EPB42: variants seen among roughly 807,000 people sequenced by gnomAD.
The protein encoded by EPB42 is protein 4.2.
In EPB42, 49 loss-of-function variants were observed where a neutral mutation model predicts 76.9. That is an observed-to-expected ratio of 0.64 (90% CI 0.51 to 0.81). The LOEUF is 0.81. Among genes scored for constraint, EPB42 ranks in the 30% least tolerant of loss-of-function variants. The pLI, the probability that EPB42 is intolerant of heterozygous loss-of-function variation, is 0.00. For missense variants in EPB42, 731 were observed against 867.6 expected (o/e 0.84, Z 1.98); for synonymous variants, 310 against 338.4 (o/e 0.92, Z 0.92).
chr15:43,201,638 C>T (rs1225294104), intron 12 of EPB42, among the ~76,000 whole-genome samples: 1 of 152,298 alleles, frequency 6.6e-6, no homozygotes, highest in Non-Finnish European at 1.5e-5. Flanking sequence ...CCAAGGGGCC[C>T]GCACAGCCTG....
At chr15:43,220,435 T>C (rs1370315025) in intron 1 of EPB42, among the ~76,000 whole-genome samples, 3 of 152,132 alleles carry the variant, frequency 2.0e-5, no homozygotes, top group Non-Finnish European at 4.4e-5. Flanking sequence ...ACTTATGCTA[T>C]GATGACCTTG....
chr15:43,198,744 C>T (rs911298606), intron 12 of EPB42, among the ~76,000 whole-genome samples: 1 of 152,228 alleles, frequency 6.6e-6, no homozygotes, highest in Non-Finnish European at 1.5e-5. Context: ...CAGCCCCTCC[C>T]ATCACAGGCC....
At position 43,206,034 on chromosome 15, in the gene EPB42, T is replaced by TG. The variant is rs1567274092; in HGVS notation, c.1618+295dup. ...TATTTGGGGGCAGCTTATTCCAGCC[T>TG]GGGGGGAGGTGCTCTCCTGCCACTG... On this transcript the variant is annotated intron_variant, in intron 10 of 12. Transcript: ENST00000441366. This position sits in a 1 kb window ranked among gnomAD's most constrained non-coding sequence, Gnocchi z 4.7. 1 of 329,536 alleles carries TG rather than the reference T, an allele frequency of 3.0e-6. No individual in the cohort carries two copies. Among genetic ancestry groups the TG allele is most frequent in the Non-Finnish European group, 5.6e-6 (1 of 178,882 alleles). The allele number at this position is 329,536 out of a possible 1,614,324, so 20.4% of individuals were successfully genotyped here. A position where few individuals can be genotyped will look rare whatever the true frequency, so the allele number is the denominator to read the frequency against.
intron 1 of EPB42, among the ~76,000 whole-genome samples, chr15:43,217,489 G>A (rs1260174026): frequency 6.6e-6 from 1 of 152,158 alleles, no homozygotes; most frequent in Non-Finnish European, 1.5e-5. Context: ...ACAAGGAGTA[G>A]AGAAGTCAAA....
At chr15:43,223,909 G>T (rs2042484709), upstream of EPB42, among the ~76,000 whole-genome samples, 1 of 152,160 alleles carries the variant, frequency 6.6e-6, no homozygotes, top group African/African-American at 2.4e-5. Flanking sequence ...GTGGGTGGAG[G>T]TTGCAGTTAG....
chr15:43,218,252 A>G (rs2042407196), intron 1 of EPB42, among the ~76,000 whole-genome samples: 1 of 152,174 alleles, frequency 6.6e-6, no homozygotes, highest in Non-Finnish European at 1.5e-5. Flanking sequence ...TGCCTTAGTC[A>G]CATCCTAAGT....
chr15:43,200,339 G>T (rs1286662807), intron 12 of EPB42, among the ~76,000 whole-genome samples: 2 of 152,182 alleles, frequency 1.3e-5, no homozygotes, highest in African/African-American at 4.8e-5. Context: ...GGGACCTCAG[G>T]GAGGGTAGGA....
Position 43,206,390 on chromosome 15 carries a change from C to A in EPB42, c.1558G>T (p.Gly520Cys). The change falls in exon 10 of 13, where the codon GGT (glycine) becomes TGT (cysteine). Residue 520 changes from glycine to cysteine, a missense_variant. Coordinates refer to ENST00000441366, the MANE Select transcript of EPB42 (RefSeq NM_001114134.2). The surrounding 1 kb of genome is among the most constrained non-coding windows in gnomAD (Gnocchi z 4.7). Reference sequence around the variant, plus strand: ...CTCCAGAGCTTGGCAGCAAGGACACCGTTGTAGTGTACAGCCTGGACCCCA... The same window carrying A: ...CTCCAGAGCTTGGCAGCAAGGACACAGTTGTAGTGTACAGCCTGGACCCCA... The part of the protein sequence containing the change: ...AIGVQAVHYN[G>C]VLAAKLWRKK... 1.9e-6 allele frequency: 3 copies of A among 1,614,092 alleles called. No homozygotes were observed. The highest frequency in any genetic ancestry group is 2.5e-6 in the Non-Finnish European group (3 of 1,180,012).
chr15:43,208,920 AC>A lies in EPB42; in HGVS notation c.833-146del. 6.2e-6 allele frequency: 6 copies of A among 960,502 alleles called. No homozygotes were observed. In the East Asian group the frequency reaches 7.9e-5, roughly 13 times the overall value. The allele number at this position is 960,502 out of a possible 1,614,324, so 59.5% of individuals were successfully genotyped here. A position where few individuals can be genotyped will look rare whatever the true frequency, so the allele number is the denominator to read the frequency against. On this transcript the variant is annotated intron_variant, in intron 6 of 12. Transcript: ENST00000441366. The stretch of plus-strand genomic sequence containing the variant: ...AGGAACCTAGAAGTGGCAGCCAAGA[AC>A]AGGATGCATGAAGGCTGATCAATAA...
At chr15:43,198,319 TA>T in intron 12 of EPB42, among the ~76,000 whole-genome samples, 1 of 152,120 alleles carries the variant, frequency 6.6e-6, no homozygotes, top group Non-Finnish European at 1.5e-5. Context: ...ATATGGACAA[TA>T]AAATCCAGGC....
At chr15:43,199,911 C>T (rs2042102423) in intron 12 of EPB42, among the ~76,000 whole-genome samples, 2 of 152,194 alleles carry the variant, frequency 1.3e-5, no homozygotes, top group East Asian at 3.8e-4. Context: ...TGCCTTTCAC[C>T]TCCCGCCATG....
At chr15:43,221,488 C>G (rs2042459707), upstream of EPB42, among the ~76,000 whole-genome samples, 1 of 152,188 alleles carries the variant, frequency 6.6e-6, no homozygotes. Flanking sequence ...CTGGGACCCT[C>G]TACCAGAGAA....
In EPB42 at chr15:43,207,379, G is replaced by T; in HGVS notation, c.1138C>A (p.Pro380Thr). 1 of 1,614,156 alleles carries T rather than the reference G, an allele frequency of 6.2e-7. No individual in the cohort carries two copies. Among genetic ancestry groups the T allele is most frequent in the South Asian group, 1.1e-5 (1 of 91,080 alleles). ...AVKEGTLGLTPAVSDLFAAIN... is the reference protein window; with the variant it reads ...AVKEGTLGLTTAVSDLFAAIN... ...GCAGCAAAAAGGTCTGACACTGCTG[G>T]GGTCAGCCCCAGCGTCCCCTCCTTG... The change falls in exon 9 of 13, where the codon CCA becomes ACA. Residue 380 changes from proline (P) to threonine (T), a missense_variant. Transcript: ENST00000441366.
Position 43,215,247 on chromosome 15 carries a change from A to G in EPB42, c.278T>C (p.Val93Ala), listed in dbSNP as rs2042359905. Reference sequence around the variant, plus strand: ...GGACTGGGCATCTCTCTCCTCCACCACTGCACTCCACCACTTTCGGTCCCC... The same window carrying G: ...GGACTGGGCATCTCTCTCCTCCACCGCTGCACTCCACCACTTTCGGTCCCC... ...SLGDRKWWSAVVEERDAQSWT... is the reference protein window; with the variant it reads ...SLGDRKWWSAAVEERDAQSWT... The change falls in exon 3 of 13, where the codon GTG becomes GCG. Residue 93 changes from valine to alanine, a missense_variant. Val to Ala is a moderately conservative substitution (Grantham distance 64). Transcript: ENST00000441366. 6.2e-7 allele frequency: 1 copy of G among 1,614,002 alleles called. No individual in the cohort carries two copies. The highest frequency in any genetic ancestry group is 1.7e-5 in the Admixed American group (1 of 59,996).
At chr15:43,216,521 C>G in intron 1 of EPB42, 68 bp from the exon 2 acceptor site, 3 of 1,558,478 alleles carry the variant, frequency 1.9e-6, no homozygotes, top group Non-Finnish European at 2.6e-6. Context: ...AGCAGAGATT[C>G]TGGAGTCAGA....
chr15:43,219,729 G>T lies in EPB42; in HGVS notation c.10+1087C>A, dbSNP rs185973283. ...TTGGGAGGCCGAGGCGGAGGATCAC[G>T]AGGTCAAGAGATCGAGACCATCCTG... On this transcript the variant is annotated intron_variant, in intron 1 of 12. Transcript: ENST00000441366. Among the ~76,000 whole-genome samples, 266 of 152,240 alleles carry T rather than the reference G, an allele frequency of 1.7e-3. 1 individual carries two copies. Among genetic ancestry groups the T allele is most frequent in the African/African-American group, 6.3e-3 (261 of 41,544 alleles).
chr15:43,200,268 A>T (rs2142258596), intron 12 of EPB42, among the ~76,000 whole-genome samples: 1 of 152,316 alleles, frequency 6.6e-6, no homozygotes, highest in Middle Eastern at 3.4e-3. Context: ...TTTCTTGGCA[A>T]GAATGTCTCA....
At chr15:43,220,587 C>A in intron 1 of EPB42, 1 of 829,932 alleles carries the variant, frequency 1.2e-6, no homozygotes, top group Admixed American at 1.8e-5. Flanking sequence ...CCACCAGCAC[C>A]CATCATCACA....
chr15:43,211,419 G>T lies in EPB42; in HGVS notation c.546C>A (p.Gly182=), dbSNP rs2042294012. The part of the protein sequence containing the change: ...DCIQAESWDF[G]QFEGDVIDLS... ...CTCCCCTAGAGGGCCCTGGTACCTG[G>T]CCAAAGTCCCAGGACTCTGCCTGGA... The change falls in exon 4 of 13, where the codon GGC becomes GGA. Residue 182 remains glycine (G), a synonymous_variant. Transcript: ENST00000441366. 1.9e-6 allele frequency: 3 copies of T among 1,607,776 alleles called. No individual in the cohort carries two copies. The highest frequency in any genetic ancestry group is 4.5e-5 in the East Asian group (2 of 44,848).
Sources: gnomAD v4.1 joint callset for allele counts (sites outside exome capture counted in the v4.1 genomes callset) on GRCh38, gnomAD v4.1.1 for gene constraint, Gnocchi (gnomAD v3.1) non-coding constraint, MANE v1.5 for transcripts, NCBI Gene and HGNC (gene_info 2026-07-23, HGNC 2026-07-21) for gene names.